Variants in SH2B3 observed in about 807,000 individuals in gnomAD.
The protein encoded by SH2B3 is SH2B adapter protein 3.
A neutral mutation model predicts 51.9 loss-of-function variants in SH2B3; 43 were observed. The observed-to-expected ratio is 0.83, with a 90% CI of 0.65 to 1.07. The LOEUF is 1.07. SH2B3 is among the 50% of genes least tolerant of loss of function. SH2B3 has a pLI of 0.00. For synonymous variants in SH2B3, 396 were observed against 376.0 expected (o/e 1.05, Z -0.62); for missense variants, 952 against 834.3 (o/e 1.14, Z -1.74).
chr12:111,405,916 C>G (rs1261566534), upstream of SH2B3: 1 of 151,894 alleles, frequency 6.6e-6, no homozygotes, highest in Non-Finnish European at 1.5e-5. This position sits in a 1 kb window ranked among gnomAD's most constrained non-coding sequence, Gnocchi z 5.4. Context: ...ACGGCCGGTT[C>G]CTCTTTACAT....
chr12:111,444,666 G>A, intron 2 of SH2B3: 5 of 913,004 alleles, frequency 5.5e-6, no homozygotes, highest in Non-Finnish European at 6.6e-6. Context: ...CCCCAGGTTT[G>A]AGCTTGTCTC....
intron 2 of SH2B3, among the ~76,000 whole-genome samples, chr12:111,439,402 G>A (rs944029840): frequency 4.6e-5 from 7 of 152,050 alleles, no homozygotes; most frequent in South Asian, 2.1e-4. Context: ...GCCTTGCCTC[G>A]GCCTCCCAAC....
chr12:111,428,799 C>T (rs1403583806), intron 2 of SH2B3, among the ~76,000 whole-genome samples: 6 of 152,096 alleles, frequency 3.9e-5, no homozygotes, highest in Middle Eastern at 3.2e-3. Flanking sequence ...CGTGCCCGTC[C>T]GTCCTTGCCG....
rs151122209 is a variant in SH2B3 at position 111,451,280 on chromosome 12, G to A, written c.*2978G>A. On this transcript the variant is annotated 3_prime_UTR_variant, in exon 8 of 8. Transcript: ENST00000341259. ...TAACAGTTTCTTAACCTAAAGTCAA[G>A]GCCTTGGACTCTTCCCTGAGGGTTG... is the stretch of plus-strand genomic sequence containing the variant. The A allele has an allele frequency of 2.0e-5, 3 of 152,738 alleles. No homozygotes were observed. Among genetic ancestry groups the A allele is most frequent in the East Asian group, 3.9e-4 (2 of 5,190 alleles). 9.5% of individuals were successfully genotyped at this position (152,738 alleles called of 1,614,324 possible).
intron 2 of SH2B3, chr12:111,434,980 C>T (rs1031981428): frequency 2.0e-6 from 3 of 1,535,508 alleles, no homozygotes; most frequent in African/African-American, 2.7e-5. Context: ...CCCTCCACCC[C>T]AGAAGCCCTT....
At chr12:111,439,328 T>C (rs1246806381) in intron 2 of SH2B3, among the ~76,000 whole-genome samples, 1 of 152,176 alleles carries the variant, frequency 6.6e-6, no homozygotes, top group African/African-American at 2.4e-5. Context: ...TTTGTATTTT[T>C]AGTAGAGACA....
At position 111,418,195 on chromosome 12, in the gene SH2B3, C is replaced by T. The variant is rs748515476; in HGVS notation, c.50C>T (p.Ala17Val). ...TCCTCGCCCTCTTCCGCGCCCTCAG[C>T]CTCCCCGGCGGCGGCCCCGCGGGGC... ...QPSSPSSAPSASPAAAPRGWS... is the reference protein window; with the variant it reads ...QPSSPSSAPSVSPAAAPRGWS... The change falls in exon 2 of 8, where the codon GCC (alanine) becomes GTC (valine). Residue 17 changes from alanine to valine, a missense_variant. Coordinates refer to ENST00000341259, the MANE Select transcript of SH2B3 (RefSeq NM_005475.3). The surrounding 1 kb of genome is among the most constrained non-coding windows in gnomAD (Gnocchi z 6.7). 7 of 1,572,634 alleles carry T rather than the reference C, an allele frequency of 4.5e-6. No homozygotes were observed. In the South Asian group the frequency reaches 4.6e-5, roughly 10 times the overall value.
In SH2B3 at chr12:111,447,844, C is replaced by G; in HGVS notation, c.1408+17C>G. The G allele has an allele frequency of 6.2e-7, 1 of 1,608,688 alleles. No individual in the cohort carries two copies. The highest frequency in any genetic ancestry group is 8.5e-7 in the Non-Finnish European group (1 of 1,175,750). ...AACCACCAGGTCTGACCCTACTGCC[C>G]TTTGCTGAAGGGGGTGGCTGACACT... On this transcript the variant is annotated intron_variant, in intron 7 of 7. Transcript: ENST00000341259.
intron 2 of SH2B3, among the ~76,000 whole-genome samples, chr12:111,439,808 G>T (rs1171012226): frequency 2.6e-5 from 4 of 152,182 alleles, no homozygotes; most frequent in Non-Finnish European, 4.4e-5. Flanking sequence ...TTTTGATGCT[G>T]CCCAACTCCC....
In SH2B3 at chr12:111,407,241, G is replaced by C. The variant is rs1870321171; in HGVS notation, c.-28+964G>C. Among the ~76,000 whole-genome samples the C allele has an allele frequency of 6.6e-6, 1 of 152,340 alleles. No individual in the cohort carries two copies. Among genetic ancestry groups the C allele is most frequent in the Admixed American group, 6.5e-5 (1 of 15,308 alleles). Reference sequence around the variant, plus strand: ...TGCAGCTGGGGGCCTCCAGGGAGGGGCACGGCCAGGCTGGGCTGAGTGGGA... The same window carrying C: ...TGCAGCTGGGGGCCTCCAGGGAGGGCCACGGCCAGGCTGGGCTGAGTGGGA... On this transcript the variant is annotated intron_variant, in intron 1 of 7. Coordinates refer to ENST00000341259, the MANE Select transcript of SH2B3 (RefSeq NM_005475.3). This position sits in a 1 kb window ranked among gnomAD's most constrained non-coding sequence, Gnocchi z 4.3.
chr12:111,444,913 G>C lies in SH2B3; in HGVS notation c.733-1840G>C, dbSNP rs149419149. ...TTGGCAGGCTTGGGTTGAGATTGTG[G>C]CTCTAGGCCTGGGCGGCTCTCAAGG... On this transcript the variant is annotated intron_variant, in intron 2 of 7. Coordinates refer to ENST00000341259, the MANE Select transcript of SH2B3 (RefSeq NM_005475.3). The C allele has an allele frequency of 6.0e-3, 5,880 of 983,574 alleles. 16 individuals carry two copies. The highest frequency in any genetic ancestry group is 6.7e-3 in the Non-Finnish European group (5,574 of 828,188). 60.9% of individuals were successfully genotyped at this position (983,574 alleles called of 1,614,324 possible). A position where few individuals can be genotyped will look rare whatever the true frequency, so the allele number is the denominator to read the frequency against.
intron 2 of SH2B3, among the ~76,000 whole-genome samples, chr12:111,426,861 TG>T (rs1244863784): frequency 6.6e-6 from 1 of 152,100 alleles, no homozygotes; most frequent in African/African-American, 2.4e-5. Flanking sequence ...GAAGGGGATC[TG>T]AACCCTGAGA....
intron 2 of SH2B3, among the ~76,000 whole-genome samples, chr12:111,440,301 C>T (rs186137973): frequency 3.3e-5 from 5 of 152,348 alleles, no homozygotes; most frequent in Non-Finnish European, 5.9e-5. Context: ...GGAGCTGGCC[C>T]GGGGCAGGGT....
chr12:111,421,366 T>C (rs942891014), intron 2 of SH2B3, among the ~76,000 whole-genome samples: 3 of 151,450 alleles, frequency 2.0e-5, no homozygotes, highest in Admixed American at 6.6e-5. Flanking sequence ...TTTTAGAGAT[T>C]GATCACATTG....
chr12:111,415,380 G>A (rs774787752), intron 1 of SH2B3, among the ~76,000 whole-genome samples: 10 of 152,280 alleles, frequency 6.6e-5, no homozygotes, highest in South Asian at 2.1e-4. Context: ...GTTCTGCACC[G>A]TGGACAGCAG....
chr12:111,444,634 C>A, intron 2 of SH2B3: 1 of 535,602 alleles, frequency 1.9e-6, no homozygotes, highest in Non-Finnish European at 2.4e-6. Flanking sequence ...GAACCTAAAG[C>A]CCCCACAGCT....
intron 2 of SH2B3, among the ~76,000 whole-genome samples, chr12:111,426,313 G>C (rs1286838432): frequency 6.6e-6 from 1 of 152,146 alleles, no homozygotes; most frequent in Non-Finnish European, 1.5e-5. Flanking sequence ...TTTATGGCTG[G>C]CTTTCAGGGA....
chr12:111,411,219 A>C (rs1386880425), intron 1 of SH2B3, among the ~76,000 whole-genome samples: 1 of 151,642 alleles, frequency 6.6e-6, no homozygotes, highest in African/African-American at 2.4e-5. Context: ...AAAAAAAAAA[A>C]AACTGGGTAT....
Position 111,410,093 on chromosome 12 carries a change from A to G in SH2B3, c.-28+3816A>G, listed in dbSNP as rs1270275552. ...TGGGGAGCCGGCTGCTGCCCAGGACATGTGTCCCCAGGGAGGCCTGGGAGG... is the reference window on the plus strand; with the variant it reads ...TGGGGAGCCGGCTGCTGCCCAGGACGTGTGTCCCCAGGGAGGCCTGGGAGG... On this transcript the variant is annotated intron_variant, in intron 1 of 7. Transcript: ENST00000341259. This position sits in a 1 kb window ranked among gnomAD's most constrained non-coding sequence, Gnocchi z 4.9. Among the ~76,000 whole-genome samples, 3 of 152,034 alleles carry G rather than the reference A, an allele frequency of 2.0e-5. 1 individual carries two copies. Among genetic ancestry groups the G allele is most frequent in the Non-Finnish European group, 1.5e-5 (1 of 67,964 alleles).
Sources: gnomAD v4.1 joint callset for allele counts (sites outside exome capture counted in the v4.1 genomes callset) on GRCh38, gnomAD v4.1.1 for gene constraint, Gnocchi (gnomAD v3.1) non-coding constraint, MANE v1.5 for transcripts, NCBI Gene and HGNC (gene_info 2026-07-23, HGNC 2026-07-21) for gene names.